Variants in PATL1 observed in about 807,000 individuals in gnomAD.
PATL1 encodes the protein PAT1 homolog 1, processing body mRNA decay factor.
PATL1 carries 32 observed loss-of-function variants against 100.6 expected under a neutral mutation model. The ratio of observed to expected loss-of-function variants is 0.32; its 90% CI spans 0.24 to 0.43. The LOEUF (loss-of-function observed/expected upper bound fraction) is 0.43, where lower values mean the gene tolerates loss of function less well. Among genes scored for constraint, PATL1 ranks in the 20% least tolerant of loss-of-function variants. The probability of loss-of-function intolerance (pLI) is 1.00; values close to 1 mark genes in which losing one functional copy is unlikely to be tolerated. For synonymous variants in PATL1, 332 were observed against 330.0 expected, an observed-to-expected ratio of 1.01 and a Z score of -0.07; for missense variants, 747 against 949.9, an observed-to-expected ratio of 0.79 and a Z score of 2.81.
At position 59,638,972 on chromosome 11, in the gene PATL1, C is replaced by T. The variant is rs974083267; in HGVS notation, c.2291+76G>A. 83 of 1,499,230 alleles carry T rather than the reference C, an allele frequency of 5.5e-5. No homozygotes were observed. The Admixed American group carries it at 6.7e-4, about 12-fold the overall frequency. 92.9% of individuals were successfully genotyped at this position (1,499,230 alleles called of 1,614,324 possible). On this transcript the variant is annotated intron_variant, in intron 18 of 18. Transcript: ENST00000300146. ...TGCTGGGATTACAGGTGTGAGCCACCGTACCCAGCCTCCCAACCATAACTT... is the reference window on the plus strand; with the variant it reads ...TGCTGGGATTACAGGTGTGAGCCACTGTACCCAGCCTCCCAACCATAACTT...
chr11:59,665,991 A>T (rs1297812849), intron 2 of PATL1, among the ~76,000 whole-genome samples: 1 of 151,958 alleles, frequency 6.6e-6, no homozygotes, highest in Non-Finnish European at 1.5e-5. Context: ...CCAACTCTTA[A>T]AATATGTATC....
chr11:59,656,471 C>T (rs756819095), intron 6 of PATL1, 28 bp downstream of exon 6: 1 of 1,568,740 alleles, frequency 6.4e-7, no homozygotes, highest in Admixed American at 1.7e-5. Flanking sequence ...ACATACTGCA[C>T]ATTTTTGTTA....
intron 15 of PATL1, among the ~76,000 whole-genome samples, 185 bp from the exon 16 acceptor site, chr11:59,643,220 T>A (rs1861312411): frequency 6.6e-6 from 1 of 152,050 alleles, no homozygotes; most frequent in African/African-American, 2.4e-5. Flanking sequence ...CATCTCAATT[T>A]GCATTGGAAA....
chr11:59,644,647 T>C (rs1861334802), intron 15 of PATL1, among the ~76,000 whole-genome samples: 2 of 152,198 alleles, frequency 1.3e-5, no homozygotes, highest in Admixed American at 6.6e-5. Flanking sequence ...CTATCCTCTG[T>C]TTCCCTCCTA....
At chr11:59,654,632 A>G (rs1020623926) in intron 8 of PATL1, among the ~76,000 whole-genome samples, 5 of 152,116 alleles carry the variant, frequency 3.3e-5, no homozygotes, top group African/African-American at 1.2e-4. Flanking sequence ...AAGCAGTATA[A>G]TTCTTTTTCT....
At chr11:59,653,114 TAAAGATTCCCG>T in intron 9 of PATL1, 96 bp from the exon 10 acceptor site, 2 of 1,008,292 alleles carry the variant, frequency 2.0e-6, no homozygotes, top group Non-Finnish European at 2.8e-6. Flanking sequence ...TTTTTTTTTT[TAAAGATTCCCG>T]TTTGCTTTTC....
At chr11:59,668,179 T>C (rs945538051) in intron 1 of PATL1, among the ~76,000 whole-genome samples, 8 of 152,354 alleles carry the variant, frequency 5.3e-5, no homozygotes, top group Non-Finnish European at 1.0e-4. Context: ...TCTTTCATGC[T>C]ACAAATTCAG....
At chr11:59,652,609 A>G in intron 10 of PATL1, 22 bp from the exon 11 acceptor site, 1 of 1,612,156 alleles carries the variant, frequency 6.2e-7, no homozygotes, top group Non-Finnish European at 8.5e-7. Context: ...AGATGATTTC[A>G]GTTGTAACAC....
intron 2 of PATL1, among the ~76,000 whole-genome samples, chr11:59,660,712 A>G (rs891852836): frequency 3.3e-5 from 5 of 152,204 alleles, no homozygotes; most frequent in Non-Finnish European, 7.3e-5. Context: ...CTGGGCCACT[A>G]TGATTGAAAT....
chr11:59,668,603 G>A (rs1861727310), intron 1 of PATL1, among the ~76,000 whole-genome samples: 1 of 151,930 alleles, frequency 6.6e-6, no homozygotes, highest in African/African-American at 2.4e-5. Context: ...GTGGGGGCGG[G>A]GGTGTGGTCT....
At position 59,650,731 on chromosome 11, in the gene PATL1, A is replaced by G. The variant is rs759026980; in HGVS notation, c.1584+23T>C. On this transcript the variant is annotated intron_variant, in intron 13 of 18. Transcript: ENST00000300146. Reference sequence around the variant, plus strand: ...GACAGTTCCGTATTTGAAACTAACTACAGCAACAAATTCTAAACTTACTTT... The same window carrying G: ...GACAGTTCCGTATTTGAAACTAACTGCAGCAACAAATTCTAAACTTACTTT... The G allele has an allele frequency of 6.0e-6, 9 of 1,511,940 alleles. No homozygotes were observed. In the Admixed American group the frequency reaches 1.9e-4, roughly 31 times the overall value. 93.7% of individuals were successfully genotyped at this position (1,511,940 alleles called of 1,614,324 possible).
intron 5 of PATL1, 49 bp from the exon 6 acceptor site, chr11:59,656,649 C>T: frequency 6.6e-7 from 1 of 1,505,860 alleles, no homozygotes; most frequent in Non-Finnish European, 9.2e-7. Context: ...ATCAGTTTTT[C>T]TTCCACCTAC....
chr11:59,639,237 T>A (rs1197275527), intron 17 of PATL1, 40 bp from the exon 18 acceptor site: 33 of 1,597,750 alleles, frequency 2.1e-5, no homozygotes, highest in Non-Finnish European at 2.7e-5. Flanking sequence ...GAGAAAAAAA[T>A]TTAAAAGATT....
chr11:59,653,144 G>A, intron 9 of PATL1, 126 bp from the exon 10 acceptor site: 6 of 798,868 alleles, frequency 7.5e-6, no homozygotes, highest in South Asian at 6.2e-5. Flanking sequence ...TCTTAAAAGG[G>A]GAGTGAAAAA....
In PATL1 at chr11:59,652,562, A is replaced by G. The variant is rs1481138927; in HGVS notation, c.1328T>C (p.Leu443Pro). 6.8e-6 allele frequency: 11 copies of G among 1,613,768 alleles called. No homozygotes were observed. Among genetic ancestry groups the G allele is most frequent in the Admixed American group, 3.3e-5 (2 of 59,982 alleles). The change falls in exon 11 of 19, where the codon CTG (leucine) becomes CCG (proline). Residue 443 changes from leucine to proline, a missense_variant. By Grantham distance (98) the Leu-to-Pro change is moderately conservative. Around this residue, in one of 4 missense-constraint regions of PATL1, gnomAD observed 434 missense variants for 596.1 expected, o/e 0.73. Transcript: ENST00000300146. ...YQNYFEKLEKLSAAEEIQGDG... is the reference protein window; with the variant it reads ...YQNYFEKLEKPSAAEEIQGDG... ...ACCTTGTATTTCTTCAGCAGCTGAC[A>G]GTTTCTCCAGTTTTTCAAAGTAATT... is the stretch of plus-strand genomic sequence containing the variant.
intron 1 of PATL1, 146 bp downstream of exon 1, chr11:59,668,735 C>A: frequency 6.9e-6 from 3 of 433,778 alleles, no homozygotes; most frequent in South Asian, 6.9e-5. Context: ...GACCCGCGAC[C>A]CCAGACCAGT....
rs772837778 is a variant in PATL1, at chr11:59,649,544, G to A, written c.1651C>T (p.Arg551Ter). 1.9e-6 allele frequency: 3 copies of A among 1,613,566 alleles called. No homozygotes were observed. Among genetic ancestry groups the A allele is most frequent in the African/African-American group, 1.3e-5 (1 of 74,880 alleles). The change falls in exon 14 of 19, where the codon CGA (arginine) becomes TGA (stop). Residue 551 changes from arginine to a stop codon, truncating the protein, a stop_gained. Coordinates refer to ENST00000300146, the MANE Select transcript of PATL1 (RefSeq NM_152716.3). LOFTEE classifies it high-confidence loss of function. ...RRYLLSLEEE[R>*]PALMDDRKHK... ...TTTCTGTCATCCATTAGGGCAGGTC[G>A]CTCTTCTTCCAGACTTAGGAGATAA...
intron 14 of PATL1, among the ~76,000 whole-genome samples, chr11:59,648,369 G>A (rs1861393937): frequency 6.7e-6 from 1 of 150,068 alleles, no homozygotes; most frequent in South Asian, 2.1e-4. Context: ...TATTTTTCTA[G>A]AGACAGGGTT....
intron 1 of PATL1, among the ~76,000 whole-genome samples, chr11:59,667,408 TC>T (rs938779481): frequency 2.0e-5 from 3 of 152,220 alleles, no homozygotes; most frequent in Non-Finnish European, 4.4e-5. Context: ...CAACTATTAT[TC>T]CGTTTTAAAG....
Sources: allele counts gnomAD v4.1 joint callset (sites outside exome capture counted in the v4.1 genomes callset), GRCh38; gene constraint gnomAD v4.1.1; regional missense constraint gnomAD v4.1.1; transcripts MANE v1.5; gene names NCBI Gene and HGNC (gene_info 2026-07-23, HGNC 2026-07-21).